SCN10A: variants seen among roughly 807,000 people sequenced by gnomAD.
SCN10A encodes sodium channel protein type 10 subunit alpha.
SCN10A carries 162 observed loss-of-function variants against 170.7 expected under a neutral mutation model. The observed-to-expected ratio is 0.95, with a 90% CI of 0.84 to 1.08. The LOEUF is 1.08. Ranked by LOEUF, SCN10A falls within the 50% of genes least tolerant of loss-of-function variation. The pLI is 0.00. For synonymous variants in SCN10A, 985 were observed against 904.6 expected (o/e 1.09, Z -1.59); for missense variants, 2,527 against 2,436.9 (o/e 1.04, Z -0.78).
chr3:38,709,121 G>T (rs866262318), intron 25 of SCN10A, among the ~76,000 whole-genome samples: 1 of 152,140 alleles, frequency 6.6e-6, no homozygotes, highest in Admixed American at 6.6e-5. Context: ...CCCTGACTCA[G>T]TCCTTTGTGG....
chr3:38,756,898 A>G, intron 9 of SCN10A, 27 bp from the exon 10 acceptor site: 1 of 1,612,772 alleles, frequency 6.2e-7, no homozygotes. Context: ...AAGAAGAGAA[A>G]CCTGTACCCA....
chr3:38,755,065 G>A (rs1576006096), intron 11 of SCN10A, among the ~76,000 whole-genome samples: 1 of 152,088 alleles, frequency 6.6e-6, no homozygotes, highest in East Asian at 1.9e-4. Context: ...ATTATGGGGG[G>A]AAAAGAATTG....
In SCN10A at chr3:38,779,774, T is replaced by G. The variant is rs1214316639; in HGVS notation, c.471-8367A>C. Among the ~76,000 whole-genome samples the G allele has an allele frequency of 2.0e-5, 3 of 152,070 alleles. No individual in the cohort carries two copies. The East Asian group carries it at 5.8e-4, about 29-fold the overall frequency. ...TATAGTTTGTCTTTTGTCCAAGAAT[T>G]CTTTAAGAGAGATTTTTAAAAATTA... On this transcript the variant is annotated intron_variant, in intron 4 of 27. Transcript: ENST00000449082.
rs1425256199 is a variant in SCN10A at position 38,701,879 on chromosome 3, C to T, written c.4617G>A (p.Trp1539Ter). The T allele has an allele frequency of 1.2e-6, 2 of 1,613,450 alleles. No individual in the cohort carries two copies. Among genetic ancestry groups the T allele is most frequent in the East Asian group, 4.5e-5 (2 of 44,868 alleles). ...CCACCACAATGAAGTCAAACACATT[C>T]CAGCCATTTGTGAAGTAGTACTGCC... ...ALRQYYFTNG[W>*]NVFDFIVVVL... The change falls in exon 27 of 28, where the codon TGG becomes TGA. Residue 1539 changes from tryptophan to a stop codon, truncating the protein, a stop_gained. Transcript: ENST00000449082. LOFTEE classifies it high-confidence loss of function.
At position 38,728,825 on chromosome 3, in the gene SCN10A, G is replaced by A; in HGVS notation, c.2357C>T (p.Ala786Val). 1.2e-6 allele frequency: 2 copies of A among 1,614,182 alleles called. No homozygotes were observed. The highest frequency in any genetic ancestry group is 1.7e-6 in the Non-Finnish European group (2 of 1,180,024). The change falls in exon 16 of 28, where the codon GCA (alanine) becomes GTA (valine). Residue 786 changes from alanine (A) to valine (V), a missense_variant. Physicochemically the swap from Ala to Val is moderately conservative, Grantham distance 64. Transcript: ENST00000449082. ...CAGGATGATGGTGAGGTTCCCCAGTGCCCCCACTGAGTTTCCGATGATCTT... is the reference window on the plus strand; with the variant it reads ...CAGGATGATGGTGAGGTTCCCCAGTACCCCCACTGAGTTTCCGATGATCTT... ...LIKIIGNSVG[A>V]LGNLTIILAI...
intron 1 of SCN10A, among the ~76,000 whole-genome samples, chr3:38,815,141 A>C (rs2064466642): frequency 6.6e-6 from 1 of 152,214 alleles, no homozygotes; most frequent in Non-Finnish European, 1.5e-5. Flanking sequence ...AACCACAGAA[A>C]TTTCTGAATG....
chr3:38,776,890 C>G (rs181028945), intron 4 of SCN10A, among the ~76,000 whole-genome samples: 1 of 152,106 alleles, frequency 6.6e-6, no homozygotes. Context: ...AATAGACTAA[C>G]AAACCTGTTA....
In SCN10A at chr3:38,718,639, A is replaced by T. The variant is rs768368073; in HGVS notation, c.3681+14T>A. On this transcript the variant is annotated intron_variant, in intron 21 of 27. Coordinates refer to ENST00000449082, the MANE Select transcript of SCN10A (RefSeq NM_006514.4). ...AGGACCCCAAACCCCACGTGTTCCC[A>T]CTGAGCCACTCACATTCACAATGAG... The T allele has an allele frequency of 2.5e-6, 4 of 1,613,778 alleles. No homozygotes were observed. The Admixed American group carries it at 6.7e-5, about 27-fold the overall frequency.
In SCN10A at chr3:38,697,593, G is replaced by A. The variant is rs866739968; in HGVS notation, c.5627C>T (p.Thr1876Ile). 2 of 1,614,082 alleles carry A rather than the reference G, an allele frequency of 1.2e-6. No homozygotes were observed. Among genetic ancestry groups the A allele is most frequent in the Non-Finnish European group, 1.7e-6 (2 of 1,180,038 alleles). The change falls in exon 28 of 28, where the codon ACC (threonine) becomes ATC (isoleucine). Residue 1876 changes from threonine (T) to isoleucine (I), a missense_variant. Coordinates refer to ENST00000449082, the MANE Select transcript of SCN10A (RefSeq NM_006514.4). ...VLHRSMALSN[T>I]PCVPRAEEEA... The stretch of plus-strand genomic sequence containing the variant: ...CTCCTCAGCTCTGGGCACACATGGG[G>A]TGTTAGAGAGTGCCATGGAGCGGTG...
chr3:38,706,167 A>C (rs928199268), intron 26 of SCN10A, among the ~76,000 whole-genome samples: 10 of 152,252 alleles, frequency 6.6e-5, no homozygotes, highest in Admixed American at 2.6e-4. Context: ...ATACAGTGTC[A>C]AAAGTCATCA....
chr3:38,754,301 T>G lies in SCN10A; in HGVS notation c.1461+1487A>C, dbSNP rs141202753. Among the ~76,000 whole-genome samples, 534 of 152,344 alleles carry G rather than the reference T, an allele frequency of 3.5e-3. 3 individuals carry two copies. The highest frequency in any genetic ancestry group is 0.017 in the Middle Eastern group (5 of 294). On this transcript the variant is annotated intron_variant, in intron 11 of 27. Transcript: ENST00000449082. ...CCTGATTCTCAAAACACCATGTATG[T>G]GTCTCTAATACACTATTTAACACAT...
In SCN10A at chr3:38,708,902, C is replaced by T. The variant is rs145481788; in HGVS notation, c.4281+576G>A. The stretch of plus-strand genomic sequence containing the variant: ...CAAATCTAGAACAGCGCCTATCTAC[C>T]TCAGGGGTATGGAAGGCATTAAATG... On this transcript the variant is annotated intron_variant, in intron 25 of 27. Transcript: ENST00000449082. Among the ~76,000 whole-genome samples, 17 of 152,334 alleles carry T rather than the reference C, an allele frequency of 1.1e-4. No homozygotes were observed. In the East Asian group the frequency reaches 3.3e-3, roughly 29 times the overall value.
At chr3:38,769,217 T>G (rs183406464) in intron 5 of SCN10A, among the ~76,000 whole-genome samples, 1 of 150,900 alleles carries the variant, frequency 6.6e-6, no homozygotes, top group African/African-American at 2.4e-5. Context: ...CTTGAATCAC[T>G]TAATAATCAG....
intron 5 of SCN10A, among the ~76,000 whole-genome samples, chr3:38,770,195 G>A (rs1208578284): frequency 2.6e-5 from 4 of 152,272 alleles, no homozygotes; most frequent in African/African-American, 4.8e-5. Context: ...ACCTCCAGCC[G>A]GTAGGTGATG....
At chr3:38,712,564 A>G in intron 22 of SCN10A, 119 bp from the exon 23 acceptor site, 2 of 984,122 alleles carry the variant, frequency 2.0e-6, no homozygotes, top group African/African-American at 1.6e-5. Context: ...GGAAGAAGCA[A>G]GAGAAGTGGG....
chr3:38,795,466 G>A (rs747368499), intron 1 of SCN10A, among the ~76,000 whole-genome samples: 12 of 148,550 alleles, frequency 8.1e-5, no homozygotes, highest in East Asian at 2.0e-4. Context: ...TCAGCCTCCC[G>A]AATAGCTGGG....
intron 6 of SCN10A, 101 bp downstream of exon 6, chr3:38,763,404 G>A (rs113906876): frequency 4.4e-6 from 4 of 905,286 alleles, no homozygotes; most frequent in Admixed American, 1.8e-5. Flanking sequence ...TGTAAGTGGG[G>A]ACAATAGTCT....
intron 9 of SCN10A, 31 bp downstream of exon 9, chr3:38,756,987 C>T: frequency 1.2e-6 from 2 of 1,602,728 alleles, no homozygotes; most frequent in South Asian, 2.2e-5. Flanking sequence ...AGCCTCCAAC[C>T]AAGTCTGCGT....
chr3:38,730,061 A>G (rs118142546), intron 15 of SCN10A, among the ~76,000 whole-genome samples: 2,184 of 152,260 alleles, frequency 0.014, 69 homozygotes, highest in East Asian at 0.09. Context: ...ATAAAAACTG[A>G]GCATTAGTAA....
Sources: gnomAD v4.1 joint callset for allele counts (sites outside exome capture counted in the v4.1 genomes callset) on GRCh38, gnomAD v4.1.1 for gene constraint, MANE v1.5 for transcripts, NCBI Gene and HGNC (gene_info 2026-07-23, HGNC 2026-07-21) for gene names.